Variants in ARHGEF10L observed in about 807,000 individuals in gnomAD.
ARHGEF10L encodes the protein rho guanine nucleotide exchange factor 10-like protein.
A neutral mutation model predicts 141.2 loss-of-function variants in ARHGEF10L; 69 were observed. The observed-to-expected ratio is 0.49, with a 90% CI of 0.40 to 0.60. ARHGEF10L has a LOEUF of 0.60. Ranked by LOEUF, ARHGEF10L falls within the 20% of genes least tolerant of loss-of-function variation. ARHGEF10L has a pLI of 0.00. For synonymous variants in ARHGEF10L, 711 were observed against 718.5 expected (o/e 0.99, Z 0.17); for missense variants, 1,482 against 1,734.3 (o/e 0.85, Z 2.58).
intron 26 of ARHGEF10L, among the ~76,000 whole-genome samples, chr1:17,680,168 C>T (rs952107901): frequency 5.3e-5 from 8 of 152,080 alleles, no homozygotes; most frequent in Non-Finnish European, 7.4e-5. Context: ...TGAGGTGGGA[C>T]GCTGCGCGCA....
chr1:17,549,018 G>GTTTTGT (rs913883114), intron 1 of ARHGEF10L, among the ~76,000 whole-genome samples: 7 of 150,898 alleles, frequency 4.6e-5, no homozygotes, highest in East Asian at 4.0e-4. Flanking sequence ...TGCCCTGGTG[G>GTTTTGT]TTTTGTTTTT....
At chr1:17,632,220 C>A (rs2060735535) in intron 15 of ARHGEF10L, 101 bp from the exon 16 acceptor site, 1 of 1,478,988 alleles carries the variant, frequency 6.8e-7, no homozygotes, top group Non-Finnish European at 9.3e-7. Context: ...CTCTCCCAGC[C>A]TCAGTCTCCC....
intron 15 of ARHGEF10L, 76 bp from the exon 16 acceptor site, chr1:17,632,245 G>A: frequency 6.3e-7 from 1 of 1,578,092 alleles, no homozygotes. Flanking sequence ...TGCACCATGG[G>A]AGGATTCTGG....
rs1394863116 is a variant in ARHGEF10L at position 17,656,583 on chromosome 1, G to A, written c.2735G>A (p.Gly912Asp). Residue 912 changes from glycine (G) to aspartate (D), a missense_variant, in exon 25 of 29, where the codon GGC becomes GAC. This residue lies in a region of ARHGEF10L where 858 missense variants were observed against 966.3 expected (regional missense o/e 0.89). Transcript: ENST00000361221. This position sits in a 1 kb window ranked among gnomAD's most constrained non-coding sequence, Gnocchi z 4.9. ...CTCCTCTACAGCAGTGTGGACACTG[G>A]CACCCAGTGCCTGGTGAGCTGCAGG... ...SILLYSSVDT[G>D]TQCLVSCRSP... 4 of 1,613,126 alleles carry A rather than the reference G, an allele frequency of 2.5e-6. No individual in the cohort carries two copies. In the African/African-American group the frequency reaches 5.3e-5, roughly 22 times the overall value.
chr1:17,595,364 C>T (rs2079989562), intron 4 of ARHGEF10L, among the ~76,000 whole-genome samples: 1 of 152,082 alleles, frequency 6.6e-6, no homozygotes. Flanking sequence ...TCTGACCAAG[C>T]CCTGGGGCCC....
At chr1:17,634,743 G>T in intron 17 of ARHGEF10L, 92 bp from the exon 18 acceptor site, 2 of 1,471,866 alleles carry the variant, frequency 1.4e-6, no homozygotes, top group Admixed American at 4.7e-5. Flanking sequence ...GTGAAGCCTG[G>T]CTGAGCTGGT....
chr1:17,550,413 C>T (rs1368265905), intron 1 of ARHGEF10L, among the ~76,000 whole-genome samples: 2 of 151,644 alleles, frequency 1.3e-5, no homozygotes, highest in African/African-American at 2.4e-5. Context: ...GAGGCCAAGG[C>T]GGGAGGATCA....
At chr1:17,583,204 A>AAG (rs2078733846) in intron 2 of ARHGEF10L, among the ~76,000 whole-genome samples, 1 of 144,724 alleles carries the variant, frequency 6.9e-6, no homozygotes, top group Non-Finnish European at 1.5e-5. Flanking sequence ...GCTTCATTTA[A>AAG]AAAAAAAAAA....
At chr1:17,683,992 T>TA (rs1328701497) in intron 26 of ARHGEF10L, among the ~76,000 whole-genome samples, 4 of 152,222 alleles carry the variant, frequency 2.6e-5, no homozygotes, top group Admixed American at 6.5e-5. Context: ...AGCATGCAGA[T>TA]ACCTCTCTCA....
chr1:17,675,310 C>G (rs1422989546), intron 26 of ARHGEF10L, among the ~76,000 whole-genome samples: 1 of 152,240 alleles, frequency 6.6e-6, no homozygotes, highest in African/African-American at 2.4e-5. Context: ...ACCCTGTGGC[C>G]TCCCCACCTC....
chr1:17,535,970 G>A (rs1230671177), upstream of ARHGEF10L, among the ~76,000 whole-genome samples: 1 of 152,192 alleles, frequency 6.6e-6, no homozygotes, highest in Non-Finnish European at 1.5e-5. Flanking sequence ...GTGGTAGGTT[G>A]GGCACACTGA....
chr1:17,536,600 A>G (rs1380228286), upstream of ARHGEF10L, among the ~76,000 whole-genome samples: 7 of 152,316 alleles, frequency 4.6e-5, no homozygotes, highest in Admixed American at 4.6e-4. Flanking sequence ...TGAGGGCTGC[A>G]GGTTTATTTA....
chr1:17,648,798 C>T, intron 22 of ARHGEF10L, 123 bp downstream of exon 22: 1 of 1,360,536 alleles, frequency 7.4e-7, no homozygotes, highest in East Asian at 2.5e-5. Flanking sequence ...GCTGTGGCTT[C>T]TAAATTCTTA....
intron 1 of ARHGEF10L, among the ~76,000 whole-genome samples, chr1:17,557,888 G>A (rs564495222): frequency 6.6e-6 from 1 of 152,162 alleles, no homozygotes; most frequent in African/African-American, 2.4e-5. Flanking sequence ...AATACTTGGG[G>A]TAAAGCTAGG....
chr1:17,689,649 G>A (rs1162317731), intron 27 of ARHGEF10L: 1 of 264,220 alleles, frequency 3.8e-6, no homozygotes, highest in Non-Finnish European at 7.2e-6. Flanking sequence ...TTGTTTCATA[G>A]TATTTAGCCA....
intron 1 of ARHGEF10L, among the ~76,000 whole-genome samples, chr1:17,540,981 A>T (rs1454711186): frequency 6.6e-6 from 1 of 152,194 alleles, no homozygotes; most frequent in Non-Finnish European, 1.5e-5. Context: ...ACTAGAAAGC[A>T]GGTCAGCCTC....
At chr1:17,563,687 C>A (rs562105439) in intron 1 of ARHGEF10L, among the ~76,000 whole-genome samples, 1 of 152,044 alleles carries the variant, frequency 6.6e-6, no homozygotes, top group East Asian at 1.9e-4. Context: ...GTCATGACAC[C>A]CAGTTTGCAG....
chr1:17,664,402 C>G (rs770022099), intron 25 of ARHGEF10L, 45 bp from the exon 26 acceptor site: 1 of 1,582,366 alleles, frequency 6.3e-7, no homozygotes, highest in Non-Finnish European at 8.5e-7. Flanking sequence ...AGGAGACCTG[C>G]TTGCCGCTCC....
rs1000610259 is a variant in ARHGEF10L, at chr1:17,697,734, G to A, written c.*354G>A. Reference sequence around the variant, plus strand: ...CCTGGAAGGGTGTGTGCGTGTGAGTGTGTGCGAGTGTGTGGGCTGGTGTGT... The same window carrying A: ...CCTGGAAGGGTGTGTGCGTGTGAGTATGTGCGAGTGTGTGGGCTGGTGTGT... On this transcript the variant is annotated 3_prime_UTR_variant, in exon 29 of 29. Transcript: ENST00000361221. The surrounding 1 kb of genome is among the most constrained non-coding windows in gnomAD (Gnocchi z 4.8). 38 of 495,122 alleles carry A rather than the reference G, an allele frequency of 7.7e-5. No homozygotes were observed. The highest frequency in any genetic ancestry group is 1.3e-4 in the Non-Finnish European group (32 of 254,200). 30.7% of individuals were successfully genotyped at this position (495,122 alleles called of 1,614,324 possible). A position where few individuals can be genotyped will look rare whatever the true frequency, so the allele number is the denominator to read the frequency against.
Sources: allele counts gnomAD v4.1 joint callset (sites outside exome capture counted in the v4.1 genomes callset), GRCh38; gene constraint gnomAD v4.1.1; regional missense constraint gnomAD v4.1.1; non-coding constraint Gnocchi (gnomAD v3.1); transcripts MANE v1.5; gene names NCBI Gene and HGNC (gene_info 2026-07-23, HGNC 2026-07-21).